TANC1: variants seen among roughly 807,000 people sequenced by gnomAD.
The protein encoded by TANC1 is tetratricopeptide repeat, ankyrin repeat and coiled-coil containing 1.
TANC1 carries 77 observed loss-of-function variants against 149.7 expected under a neutral mutation model. That is an observed-to-expected ratio of 0.51 (90% CI 0.43 to 0.62). TANC1 has a LOEUF of 0.62. TANC1 is among the 20% of genes least tolerant of loss of function. The probability of loss-of-function intolerance (pLI) is 0.00; values close to 1 mark genes in which losing one functional copy is unlikely to be tolerated. For missense variants in TANC1, 1,985 were observed against 2,321.8 expected (o/e 0.85, Z 2.98); for synonymous variants, 854 against 925.0 (o/e 0.92, Z 1.39).
chr2:159,179,234 G>T, intron 14 of TANC1, 71 bp downstream of exon 14: 2 of 1,526,112 alleles, frequency 1.3e-6, no homozygotes, highest in Non-Finnish European at 8.8e-7. Context: ...ATTTAAATGT[G>T]ATGCACGTGT....
In TANC1 at chr2:159,040,074, C is replaced by G. The variant is rs552796979; in HGVS notation, c.-15-25822C>G. Reference sequence around the variant, plus strand: ...TATATATTTAGGATAGTTAGCTCTTCTTGTTGTATTGATCCCTTTACCATT... The same window carrying G: ...TATATATTTAGGATAGTTAGCTCTTGTTGTTGTATTGATCCCTTTACCATT... On this transcript the variant is annotated intron_variant, in intron 2 of 26. Transcript: ENST00000263635. 7.2e-5 allele frequency among the ~76,000 whole-genome samples: 11 copies of G among 152,298 alleles called. 2 individuals are homozygous for G. The highest frequency in any genetic ancestry group is 2.4e-4 in the African/African-American group (10 of 41,560).
chr2:159,048,963 T>C (rs902693673), intron 2 of TANC1, among the ~76,000 whole-genome samples: 1 of 152,170 alleles, frequency 6.6e-6, no homozygotes, highest in African/African-American at 2.4e-5. Context: ...CTTGGGAGCA[T>C]GGATGGACTT....
chr2:159,136,049 T>TGTGTGCGG, intron 4 of TANC1, 145 bp from the exon 5 acceptor site: 1 of 90,882 alleles, frequency 1.1e-5, no homozygotes, highest in Non-Finnish European at 2.1e-5. Context: ...TGTGTGTGTG[T>TGTGTGCGG]GCGCGCGCGC....
chr2:159,152,532 C>T (rs1306045006), intron 7 of TANC1, among the ~76,000 whole-genome samples: 1 of 142,790 alleles, frequency 7.0e-6, no homozygotes, highest in Non-Finnish European at 1.5e-5. Context: ...TGCTCTGTTG[C>T]CCAGGCTGGA....
At chr2:159,083,723 A>G (rs1276721068) in intron 3 of TANC1, among the ~76,000 whole-genome samples, 1 of 152,214 alleles carries the variant, frequency 6.6e-6, no homozygotes, top group Admixed American at 6.5e-5. Context: ...AAATGAATGA[A>G]GTAAGTAATT....
chr2:159,223,156 C>T (rs1301044990), intron 22 of TANC1, among the ~76,000 whole-genome samples: 3 of 152,200 alleles, frequency 2.0e-5, no homozygotes, highest in Non-Finnish European at 4.4e-5. Context: ...TTGCCTGCCT[C>T]GGCCTCCCAA....
At chr2:159,186,810 A>G (rs2057003899) in intron 15 of TANC1, 92 bp from the exon 16 acceptor site, 1 of 1,537,942 alleles carries the variant, frequency 6.5e-7, no homozygotes, top group Non-Finnish European at 8.9e-7. Flanking sequence ...TCTGCGGCAG[A>G]CCCACTTTCA....
At chr2:159,003,787 T>G (rs1166632550) in intron 2 of TANC1, among the ~76,000 whole-genome samples, 1 of 152,224 alleles carries the variant, frequency 6.6e-6, no homozygotes, top group Non-Finnish European at 1.5e-5. Context: ...GGCAGCCATC[T>G]TGCTCTTGCC....
At chr2:159,097,479 A>T (rs1397167308) in intron 3 of TANC1, among the ~76,000 whole-genome samples, 158 bp from the exon 4 acceptor site, 1 of 152,206 alleles carries the variant, frequency 6.6e-6, no homozygotes, top group Non-Finnish European at 1.5e-5. Flanking sequence ...CAGGGTAAAA[A>T]GTTTCAAGAG....
chr2:159,228,964 T>C (rs1393841445), intron 26 of TANC1, 68 bp downstream of exon 26: 5 of 1,288,422 alleles, frequency 3.9e-6, no homozygotes, highest in East Asian at 4.6e-5. Flanking sequence ...CCTGTTGAAT[T>C]TGGGGAGGTT....
At chr2:158,971,980 A>G (rs1482307839) in intron 1 of TANC1, among the ~76,000 whole-genome samples, 1 of 152,166 alleles carries the variant, frequency 6.6e-6, no homozygotes, top group Non-Finnish European at 1.5e-5. Flanking sequence ...CTCACAATAC[A>G]TTTTTAGGGT....
chr2:159,000,672 A>AG (rs2036544581), intron 1 of TANC1, among the ~76,000 whole-genome samples: 1 of 151,992 alleles, frequency 6.6e-6, no homozygotes, highest in African/African-American at 2.4e-5. Flanking sequence ...GGAATGAAGA[A>AG]GGGGACATAC....
intron 6 of TANC1, chr2:159,149,742 A>C (rs2052567661): frequency 5.2e-6 from 1 of 193,798 alleles, no homozygotes; most frequent in Admixed American, 5.4e-5. Flanking sequence ...TCAGGAAAGC[A>C]CTTCCCCTCC....
intron 10 of TANC1, among the ~76,000 whole-genome samples, chr2:159,171,726 G>A (rs1158290089): frequency 2.0e-5 from 3 of 151,822 alleles, no homozygotes; most frequent in Non-Finnish European, 2.9e-5. Flanking sequence ...GTGTGGTGGC[G>A]GGTGCCTGTA....
chr2:158,985,760 C>G (rs998922718), intron 1 of TANC1, among the ~76,000 whole-genome samples: 9 of 152,194 alleles, frequency 5.9e-5, no homozygotes, highest in African/African-American at 2.2e-4. Flanking sequence ...TCTCCTGCCT[C>G]AGCCTCCCAA....
intron 5 of TANC1, among the ~76,000 whole-genome samples, chr2:159,141,508 C>T (rs775951936): frequency 6.6e-6 from 1 of 152,202 alleles, no homozygotes. Context: ...ACAACAACTT[C>T]ACGCCTTTGA....
intron 3 of TANC1, among the ~76,000 whole-genome samples, chr2:159,085,253 G>A (rs1385398504): frequency 2.0e-5 from 3 of 152,134 alleles, no homozygotes; most frequent in African/African-American, 4.8e-5. Context: ...TGTCTCTGCC[G>A]TGTTGTGATG....
At chr2:159,098,785 A>C (rs1386827330) in intron 4 of TANC1, among the ~76,000 whole-genome samples, 2 of 152,212 alleles carry the variant, frequency 1.3e-5, no homozygotes, top group Non-Finnish European at 1.5e-5. Flanking sequence ...CATGTGAGGA[A>C]AGCCTTTCTA....
At chr2:159,027,418 C>T (rs901891783) in intron 2 of TANC1, among the ~76,000 whole-genome samples, 4 of 152,134 alleles carry the variant, frequency 2.6e-5, no homozygotes, top group African/African-American at 9.7e-5. Context: ...ACAAGGATGG[C>T]CTTTACTCTA....
Sources: allele counts gnomAD v4.1 joint callset (sites outside exome capture counted in the v4.1 genomes callset), GRCh38; gene constraint gnomAD v4.1.1; transcripts MANE v1.5; gene names NCBI Gene and HGNC (gene_info 2026-07-23, HGNC 2026-07-21).